Variants in TMEM50B observed in about 807,000 individuals in gnomAD.
The protein encoded by TMEM50B is transmembrane protein 50B, also known as HCV p7-trans-regulated protein 3.
TMEM50B carries 14 observed loss-of-function variants against 23.4 expected under a neutral mutation model. The ratio of observed to expected loss-of-function variants is 0.60; its 90% CI spans 0.39 to 0.93. TMEM50B has a LOEUF of 0.93. Ranked by LOEUF, TMEM50B falls within the 40% of genes least tolerant of loss-of-function variation. TMEM50B has a pLI of 0.00. For missense variants in TMEM50B, 159 were observed against 193.0 expected (o/e 0.82, Z 1.04); for synonymous variants, 64 against 62.3 (o/e 1.03, Z -0.13).
chr21:33,433,592 G>A (rs1290933682), intron 8 of TMEM50B, among the ~76,000 whole-genome samples: 6 of 152,102 alleles, frequency 3.9e-5, no homozygotes, highest in African/African-American at 1.4e-4. Context: ...TAGAATGGTG[G>A]TTGCGGTGGT....
At chr21:33,443,418 C>T (rs1420749245) in intron 7 of TMEM50B, among the ~76,000 whole-genome samples, 3 of 114,672 alleles carry the variant, frequency 2.6e-5, no homozygotes, top group Non-Finnish European at 3.8e-5. Context: ...AGGCTGTGCA[C>T]CGCACAACCC....
At chr21:33,464,480 G>A (rs370862850) in intron 4 of TMEM50B, among the ~76,000 whole-genome samples, 22 of 148,554 alleles carry the variant, frequency 1.5e-4, no homozygotes, top group South Asian at 6.5e-4. Flanking sequence ...GATTACAGGC[G>A]TGAGCCACTG....
At chr21:33,441,037 C>A (rs950482806) in intron 7 of TMEM50B, among the ~76,000 whole-genome samples, 1 of 151,970 alleles carries the variant, frequency 6.6e-6, no homozygotes, top group Admixed American at 6.6e-5. Context: ...CAAGATCAGT[C>A]TGGCCAACAA....
intron 2 of TMEM50B, among the ~76,000 whole-genome samples, chr21:33,467,605 A>T (rs2008437): frequency 6.6e-6 from 1 of 151,766 alleles, no homozygotes; most frequent in Non-Finnish European, 1.5e-5. Flanking sequence ...GCCTGGACGA[A>T]AGAACGAGAC....
chr21:33,478,885 G>A (rs555778074), intron 1 of TMEM50B: 68 of 463,078 alleles, frequency 1.5e-4, no homozygotes, highest in African/African-American at 6.1e-5. Context: ...CCACAGTGCA[G>A]GTAGGATGAA....
chr21:33,468,573 A>G (rs1337773382), intron 2 of TMEM50B: 3 of 466,346 alleles, frequency 6.4e-6, no homozygotes, highest in Non-Finnish European at 1.1e-5. Flanking sequence ...GGAACTGAAG[A>G]AAAGATATTA....
intron 8 of TMEM50B, chr21:33,437,142 TAAAGA>T (rs2083964111): frequency 3.4e-6 from 2 of 587,360 alleles, no homozygotes; most frequent in African/African-American, 3.7e-5. Flanking sequence ...TTTTTTTTCT[TAAAGA>T]ATTTTCAAAA....
At chr21:33,436,011 A>T (rs2083944480) in intron 8 of TMEM50B, among the ~76,000 whole-genome samples, 1 of 151,922 alleles carries the variant, frequency 6.6e-6, no homozygotes, top group Admixed American at 6.6e-5. Context: ...CAGTGAGCCG[A>T]GATCGCGCCA....
At chr21:33,445,315 A>G (rs529396989), downstream of TMEM50B, among the ~76,000 whole-genome samples, 9 of 152,240 alleles carry the variant, frequency 5.9e-5, no homozygotes, top group Non-Finnish European at 1.3e-4. Context: ...GCCACAGCTG[A>G]AAGAATTGAA....
At chr21:33,464,528 G>A (rs2084246766) in intron 4 of TMEM50B, among the ~76,000 whole-genome samples, 3 of 147,294 alleles carry the variant, frequency 2.0e-5, no homozygotes, top group Admixed American at 6.7e-5. Context: ...CAATTGGGCC[G>A]GGCTCGGTGG....
chr21:33,454,532 C>A (rs1601116595), intron 6 of TMEM50B, among the ~76,000 whole-genome samples: 1 of 152,166 alleles, frequency 6.6e-6, no homozygotes, highest in African/African-American at 2.4e-5. Flanking sequence ...AACCCCTGAC[C>A]TCAGATGATC....
chr21:33,478,530 G>C (rs2084395257), intron 1 of TMEM50B, among the ~76,000 whole-genome samples: 2 of 152,142 alleles, frequency 1.3e-5, no homozygotes, highest in African/African-American at 4.8e-5. Context: ...GCCCCCAGAA[G>C]TGAATTCAGA....
At chr21:33,446,236 TTTTATTTTTTA>T (rs1261526036), downstream of TMEM50B, among the ~76,000 whole-genome samples, 11 of 138,326 alleles carry the variant, frequency 8.0e-5, no homozygotes, top group Admixed American at 1.5e-4. Context: ...TTTTTTTATT[TTTTATTTTTTA>T]TTTTTTTTTG....
At chr21:33,467,285 A>T (rs548517489) in intron 2 of TMEM50B, 163 bp from the exon 3 acceptor site, 1 of 604,200 alleles carries the variant, frequency 1.7e-6, no homozygotes, top group Admixed American at 3.1e-5. Context: ...GGATTACTTG[A>T]GGTCAGGAGT....
intron 5 of TMEM50B, among the ~76,000 whole-genome samples, chr21:33,458,624 G>C (rs1035955627): frequency 6.6e-6 from 1 of 152,180 alleles, no homozygotes; most frequent in Admixed American, 6.5e-5. Context: ...GACTGCTAAT[G>C]GGTATGGCAG....
At chr21:33,459,738 T>C (rs1432240275) in intron 5 of TMEM50B, among the ~76,000 whole-genome samples, 1 of 151,808 alleles carries the variant, frequency 6.6e-6, no homozygotes, top group Non-Finnish European at 1.5e-5. Context: ...GATTATCTAC[T>C]GGCAATCCAT....
intron 7 of TMEM50B, among the ~76,000 whole-genome samples, chr21:33,442,927 AAAAAC>A (rs923521092): frequency 5.3e-5 from 8 of 152,138 alleles, no homozygotes; most frequent in African/African-American, 1.7e-4. Context: ...TCTCAAAAAA[AAAAAC>A]AAAACAAATC....
At chr21:33,452,171 C>T (rs2834221) in intron 6 of TMEM50B, among the ~76,000 whole-genome samples, 89,270 of 152,124 alleles carry the variant, frequency 0.59, 28,257 homozygotes, top group East Asian at 0.83. Flanking sequence ...TAACAACTTA[C>T]CATATCCCCA....
At chr21:33,461,719 T>C (rs2084218479) in intron 4 of TMEM50B, among the ~76,000 whole-genome samples, 1 of 151,838 alleles carries the variant, frequency 6.6e-6, no homozygotes, top group African/African-American at 2.4e-5. Context: ...GCAAGAGAAT[T>C]GCTTGAACCT....
Sources: allele counts gnomAD v4.1 joint callset (sites outside exome capture counted in the v4.1 genomes callset), GRCh38; gene constraint gnomAD v4.1.1; transcripts MANE v1.5; gene names NCBI Gene and HGNC (gene_info 2026-07-23, HGNC 2026-07-21).